Variants in KCNMA1 observed in about 807,000 individuals in gnomAD.
KCNMA1 encodes potassium calcium-activated channel subfamily M alpha 1.
KCNMA1 carries 29 observed loss-of-function variants against 140.0 expected under a neutral mutation model. The ratio of observed to expected loss-of-function variants is 0.21; its 90% CI spans 0.15 to 0.28. KCNMA1 has a LOEUF of 0.28. KCNMA1 is among the 10% of genes least tolerant of loss of function. The pLI is 1.00. For missense variants in KCNMA1, 880 were observed against 1,602.2 expected, an observed-to-expected ratio of 0.55 and a Z score of 7.70; for synonymous variants, 612 against 611.9, an observed-to-expected ratio of 1.00 and a Z score of 0.00.
At chr10:77,599,418 C>T (rs962800241) in intron 1 of KCNMA1, among the ~76,000 whole-genome samples, 8 of 152,188 alleles carry the variant, frequency 5.3e-5, no homozygotes, top group South Asian at 2.1e-4. Context: ...ATGCCTTCAT[C>T]TCTTCCTTTC....
chr10:77,033,800 A>T lies in KCNMA1; in HGVS notation c.1859+5728T>A, dbSNP rs549728276. On this transcript the variant is annotated intron_variant, in intron 15 of 27. Transcript: ENST00000286628. ...GGGTCAACGGTTTATTCACTAGCTC[A>T]TAGAAGGTCACCTCTTGGGTCTCTG... 9.2e-5 allele frequency among the ~76,000 whole-genome samples: 14 copies of T among 152,306 alleles called. No homozygotes were observed. In the East Asian group the frequency reaches 1.9e-3, roughly 21 times the overall value.
intron 1 of KCNMA1, among the ~76,000 whole-genome samples, chr10:77,625,087 C>T (rs982410824): frequency 2.6e-5 from 4 of 152,156 alleles, no homozygotes; most frequent in Admixed American, 6.5e-5. Context: ...GTGAAATACA[C>T]AGAAGACAAA....
intron 1 of KCNMA1, among the ~76,000 whole-genome samples, chr10:77,580,187 T>C (rs2075443196): frequency 6.6e-6 from 1 of 152,024 alleles, no homozygotes; most frequent in Non-Finnish European, 1.5e-5. Context: ...CGAGACCATC[T>C]TGGCTAACAT....
At chr10:77,415,522 G>A (rs961460071) in intron 1 of KCNMA1, among the ~76,000 whole-genome samples, 2 of 152,260 alleles carry the variant, frequency 1.3e-5, no homozygotes, top group Non-Finnish European at 2.9e-5. Flanking sequence ...GGCCCAGCAG[G>A]AAGGCAAAAA....
intron 2 of KCNMA1, chr10:77,350,419 T>C (rs956615769): frequency 1.3e-5 from 2 of 152,130 alleles, no homozygotes; most frequent in African/African-American, 4.8e-5. Flanking sequence ...TTCCAGGTGC[T>C]CACACCTCTG....
intron 25 of KCNMA1, among the ~76,000 whole-genome samples, chr10:76,907,338 A>T (rs542744839): frequency 6.6e-6 from 1 of 152,304 alleles, no homozygotes; most frequent in Non-Finnish European, 1.5e-5. Flanking sequence ...CCTACTGATG[A>T]TATAGATGCT....
rs1454079130 is a variant in KCNMA1 at position 77,637,173 on chromosome 10, A to ACGGCG, written c.378+87_378+91dup. ...AAGGCAGGCGGGGATGGAGGGAGGC[A>ACGGCG]CGGCGCGGCGCGGAGCGAGGAGGTG... On this transcript the variant is annotated intron_variant, in intron 1 of 27. Coordinates refer to ENST00000286628, the MANE Select transcript of KCNMA1 (RefSeq NM_001161352.2). The ACGGCG allele has an allele frequency of 1.9e-5, 25 of 1,307,052 alleles. No individual in the cohort carries two copies. In the East Asian group the frequency reaches 3.1e-4, roughly 16 times the overall value. The allele number at this position is 1,307,052 out of a possible 1,614,324, so 81.0% of individuals were successfully genotyped here.
At chr10:77,396,803 G>C (rs1247087167) in intron 2 of KCNMA1, among the ~76,000 whole-genome samples, 2 of 152,178 alleles carry the variant, frequency 1.3e-5, no homozygotes, top group South Asian at 2.1e-4. Context: ...CATAGAATTA[G>C]CTGTGTAAGC....
chr10:77,468,876 C>A (rs1335382220), intron 1 of KCNMA1, among the ~76,000 whole-genome samples: 1 of 152,156 alleles, frequency 6.6e-6, no homozygotes, highest in Non-Finnish European at 1.5e-5. Context: ...GTTTCTTGCA[C>A]TACTTGTGAT....
At chr10:77,519,593 A>G (rs2052070546) in intron 1 of KCNMA1, among the ~76,000 whole-genome samples, 1 of 152,214 alleles carries the variant, frequency 6.6e-6, no homozygotes, top group Admixed American at 6.5e-5. Context: ...TATCACGGCC[A>G]AGGTCACTCA....
At chr10:76,985,432 A>C (rs1254604174) in intron 19 of KCNMA1, among the ~76,000 whole-genome samples, 1 of 152,264 alleles carries the variant, frequency 6.6e-6, no homozygotes, top group Non-Finnish European at 1.5e-5. Flanking sequence ...AATTTAGAGG[A>C]AACTATTTTG....
intron 2 of KCNMA1, among the ~76,000 whole-genome samples, chr10:77,316,288 G>A (rs2080863241): frequency 6.6e-6 from 1 of 152,122 alleles, no homozygotes; most frequent in South Asian, 2.1e-4. Context: ...TCTTCCTAAA[G>A]AATCCCACAG....
At chr10:76,973,924 G>A (rs1441293470) in intron 19 of KCNMA1, 1 of 152,208 alleles carries the variant, frequency 6.6e-6, no homozygotes, top group Non-Finnish European at 1.5e-5. Flanking sequence ...TGGACCTGAT[G>A]CTCAGCTCTA....
At position 77,101,583 on chromosome 10, in the gene KCNMA1, A is replaced by G. The variant is rs1396908166; in HGVS notation, c.1223+6898T>C. On this transcript the variant is annotated intron_variant, in intron 9 of 27. Transcript: ENST00000286628. ...TATGGCTTTTAAAATCTAGGAATCC[A>G]AAGACATTGCTGAGGGGTTCAGGCT... 5.9e-5 allele frequency among the ~76,000 whole-genome samples: 9 copies of G among 152,186 alleles called. No individual in the cohort carries two copies. The East Asian group carries it at 1.7e-3, about 29-fold the overall frequency.
chr10:76,915,154 A>G (rs1191562338), intron 23 of KCNMA1, 105 bp from the exon 24 acceptor site: 2 of 756,620 alleles, frequency 2.6e-6, no homozygotes, highest in Non-Finnish European at 4.8e-6. Flanking sequence ...TAGCTTATGC[A>G]TTATTCACAG....
intron 17 of KCNMA1, among the ~76,000 whole-genome samples, chr10:77,018,031 C>T (rs2092374693): frequency 6.6e-6 from 1 of 152,128 alleles, no homozygotes. Flanking sequence ...ACTCTGGGCT[C>T]CACCACTTAC....
chr10:76,981,708 A>G (rs2079513339), intron 19 of KCNMA1, among the ~76,000 whole-genome samples: 1 of 152,172 alleles, frequency 6.6e-6, no homozygotes, highest in Non-Finnish European at 1.5e-5. Flanking sequence ...GCCTTCCCAG[A>G]TGATTATGAC....
At position 77,504,883 on chromosome 10, in the gene KCNMA1, C is replaced by T. The variant is rs996574403; in HGVS notation, c.379-100860G>A. On this transcript the variant is annotated intron_variant, in intron 1 of 27. Transcript: ENST00000286628. ...TTCATTCCCAAACCTTCAAGAAGAACTGGTTCTCCAGGAAAATGTGCCATG... is the reference window on the plus strand; with the variant it reads ...TTCATTCCCAAACCTTCAAGAAGAATTGGTTCTCCAGGAAAATGTGCCATG... Among the ~76,000 whole-genome samples, 30 of 152,236 alleles carry T rather than the reference C, an allele frequency of 2.0e-4. 1 individual carries two copies. The highest frequency in any genetic ancestry group is 4.3e-4 in the African/African-American group (18 of 41,536).
intron 19 of KCNMA1, chr10:76,979,463 ACTTT>A (rs77091232): frequency 6.6e-6 from 1 of 151,884 alleles, no homozygotes; most frequent in Non-Finnish European, 1.5e-5. Context: ...CACCAATGTT[ACTTT>A]CTTTTTCTTT....
Sources: gnomAD v4.1 joint callset for allele counts (sites outside exome capture counted in the v4.1 genomes callset) on GRCh38, gnomAD v4.1.1 for gene constraint, MANE v1.5 for transcripts, NCBI Gene and HGNC (gene_info 2026-07-23, HGNC 2026-07-21) for gene names.